Variants in FRMD4A observed in about 807,000 individuals in gnomAD.
The protein encoded by FRMD4A is FERM domain containing 4A.
A neutral mutation model predicts 129.1 loss-of-function variants in FRMD4A; 29 were observed. The ratio of observed to expected loss-of-function variants is 0.22; its 90% CI spans 0.17 to 0.31. The LOEUF (loss-of-function observed/expected upper bound fraction) is 0.31, where lower values mean the gene tolerates loss of function less well. Ranked by LOEUF, FRMD4A falls within the 10% of genes least tolerant of loss-of-function variation. The pLI is 1.00. For missense variants in FRMD4A, 1,272 were observed against 1,375.8 expected, an observed-to-expected ratio of 0.92 and a Z score of 1.19; for synonymous variants, 634 against 571.6, an observed-to-expected ratio of 1.11 and a Z score of -1.56.
At chr10:13,680,518 A>T (rs1433795807) in intron 15 of FRMD4A, among the ~76,000 whole-genome samples, 1 of 152,090 alleles carries the variant, frequency 6.6e-6, no homozygotes, top group African/African-American at 2.4e-5. Context: ...AGGAGGTCAG[A>T]TTTTGAGACC....
At chr10:13,942,995 C>T (rs757875009) in intron 2 of FRMD4A, among the ~76,000 whole-genome samples, 5 of 152,022 alleles carry the variant, frequency 3.3e-5, no homozygotes, top group Non-Finnish European at 5.9e-5. Flanking sequence ...AGAAGCAAGA[C>T]GTCTTGTGGT....
At chr10:13,664,526 T>C (rs1163487274) in intron 18 of FRMD4A, among the ~76,000 whole-genome samples, 2 of 152,222 alleles carry the variant, frequency 1.3e-5, no homozygotes, top group Non-Finnish European at 2.9e-5. Context: ...ACTTTATTTA[T>C]GTTGCATGAT....
At chr10:14,314,793 T>C (rs530015366) in intron 2 of FRMD4A, among the ~76,000 whole-genome samples, 78 of 152,182 alleles carry the variant, frequency 5.1e-4, no homozygotes, top group African/African-American at 1.8e-3. Context: ...CCAATGTCTT[T>C]CCTCCCCATC....
intron 2 of FRMD4A, among the ~76,000 whole-genome samples, chr10:14,172,196 T>G (rs1841512163): frequency 1.3e-5 from 2 of 152,232 alleles, no homozygotes; most frequent in Admixed American, 6.5e-5. Flanking sequence ...AGAAGCAATT[T>G]AAACACATAC....
chr10:14,102,875 A>G (rs1478583856), intron 2 of FRMD4A, among the ~76,000 whole-genome samples: 1 of 152,148 alleles, frequency 6.6e-6, no homozygotes, highest in Non-Finnish European at 1.5e-5. Context: ...ATTTTCCAAT[A>G]TGATAGGCAG....
At chr10:13,804,706 A>C (rs1029971796) in intron 4 of FRMD4A, among the ~76,000 whole-genome samples, 1 of 131,810 alleles carries the variant, frequency 7.6e-6, no homozygotes, top group Non-Finnish European at 1.6e-5. Context: ...CACCACACCC[A>C]GCTAATTCTT....
intron 2 of FRMD4A, among the ~76,000 whole-genome samples, chr10:14,299,319 G>C (rs1846109489): frequency 6.6e-6 from 1 of 152,200 alleles, no homozygotes; most frequent in African/African-American, 2.4e-5. Context: ...TCAGCAGCAA[G>C]AACATGGCCA....
intron 8 of FRMD4A, among the ~76,000 whole-genome samples, chr10:13,756,692 G>A (rs1049992514): frequency 1.2e-4 from 19 of 152,098 alleles, no homozygotes; most frequent in Admixed American, 1.1e-3. Flanking sequence ...GAAAATTTGC[G>A]GCACATTTTT....
chr10:14,006,318 G>T (rs1409217475), intron 2 of FRMD4A, among the ~76,000 whole-genome samples: 1 of 152,184 alleles, frequency 6.6e-6, no homozygotes, highest in Non-Finnish European at 1.5e-5. Context: ...TGTAACGGTG[G>T]GGTGTGCTCA....
chr10:13,866,272 C>T (rs2094366147), intron 2 of FRMD4A: 6 of 980,800 alleles, frequency 6.1e-6, no homozygotes, highest in East Asian at 1.1e-4. Flanking sequence ...GCTGACAGCA[C>T]GTCTTCCCCG....
intron 2 of FRMD4A, among the ~76,000 whole-genome samples, chr10:14,271,555 C>T (rs1345394555): frequency 1.3e-5 from 2 of 152,192 alleles, no homozygotes; most frequent in Non-Finnish European, 2.9e-5. Flanking sequence ...TGGCCTCCAC[C>T]AGGAAGTGAT....
intron 2 of FRMD4A, among the ~76,000 whole-genome samples, chr10:14,076,425 G>A (rs1402867012): frequency 6.6e-6 from 1 of 152,144 alleles, no homozygotes; most frequent in Non-Finnish European, 1.5e-5. Context: ...TGGATCATGA[G>A]GTCAGGAGAT....
chr10:14,145,749 C>T (rs1840043114), intron 2 of FRMD4A, among the ~76,000 whole-genome samples: 1 of 152,076 alleles, frequency 6.6e-6, no homozygotes, highest in Non-Finnish European at 1.5e-5. Context: ...GCTGCCTAGA[C>T]CCAGAAGACA....
At chr10:14,037,652 G>A (rs1833563992) in intron 2 of FRMD4A, among the ~76,000 whole-genome samples, 1 of 46,384 alleles carries the variant, frequency 2.2e-5, no homozygotes, top group South Asian at 1.4e-3. Flanking sequence ...CAAAAGTCAT[G>A]TGTATTTAAA....
At chr10:14,050,216 G>A (rs748083264) in intron 2 of FRMD4A, among the ~76,000 whole-genome samples, 4 of 152,222 alleles carry the variant, frequency 2.6e-5, no homozygotes, top group Admixed American at 1.3e-4. Flanking sequence ...GACACATTAA[G>A]CAGTGACTGC....
intron 2 of FRMD4A, among the ~76,000 whole-genome samples, chr10:13,931,036 T>C (rs2095189072): frequency 6.6e-6 from 1 of 152,196 alleles, no homozygotes. Context: ...GATATCTCTA[T>C]GTTGCCCAGG....
chr10:14,319,129 T>C (rs1409416192), intron 2 of FRMD4A, among the ~76,000 whole-genome samples: 1 of 152,134 alleles, frequency 6.6e-6, no homozygotes, highest in Admixed American at 6.5e-5. Flanking sequence ...TGAAGACTTA[T>C]CTCCAGAAGA....
At chr10:14,252,805 C>T (rs1019385199) in intron 2 of FRMD4A, among the ~76,000 whole-genome samples, 3 of 152,216 alleles carry the variant, frequency 2.0e-5, no homozygotes, top group African/African-American at 7.2e-5. Context: ...CTTTGATCCA[C>T]TATGTTAGAA....
chr10:13,650,517 A>T (rs545753920), intron 24 of FRMD4A, among the ~76,000 whole-genome samples: 29 of 152,334 alleles, frequency 1.9e-4, no homozygotes, highest in African/African-American at 7.0e-4. Context: ...TCTGGCTGTC[A>T]GCCCTATCTC....
Sources: allele counts gnomAD v4.1 joint callset (sites outside exome capture counted in the v4.1 genomes callset), GRCh38; gene constraint gnomAD v4.1.1; transcripts MANE v1.5; gene names NCBI Gene and HGNC (gene_info 2026-07-23, HGNC 2026-07-21).